TBC1D23: variants seen among roughly 807,000 people sequenced by gnomAD.
The protein encoded by TBC1D23 is HCV non-structural protein 4A-transactivated protein 1.
Under a neutral mutation model 91.4 loss-of-function variants are expected in TBC1D23, and 55 were observed. The ratio of observed to expected loss-of-function variants is 0.60; its 90% CI spans 0.48 to 0.75. TBC1D23 has a LOEUF of 0.75. Ranked by LOEUF, TBC1D23 falls within the 30% of genes least tolerant of loss-of-function variation. TBC1D23 has a pLI of 0.00. For missense variants in TBC1D23, 725 were observed against 836.1 expected (o/e 0.87, Z 1.64); for synonymous variants, 289 against 281.0 (o/e 1.03, Z -0.28).
At chr3:100,315,698 T>G (rs1303902517) in intron 15 of TBC1D23, among the ~76,000 whole-genome samples, 3 of 152,220 alleles carry the variant, frequency 2.0e-5, no homozygotes, top group Admixed American at 6.5e-5. Context: ...ACAATAAAAT[T>G]GACTGATTTA....
intron 18 of TBC1D23, among the ~76,000 whole-genome samples, chr3:100,322,945 T>TA (rs1478136940): frequency 2.6e-5 from 4 of 152,166 alleles, no homozygotes; most frequent in Admixed American, 2.6e-4. Context: ...GATGCTTTTT[T>TA]AAAAAAATAC....
chr3:100,302,931 T>G (rs1367864912), intron 11 of TBC1D23, among the ~76,000 whole-genome samples: 3 of 152,222 alleles, frequency 2.0e-5, no homozygotes, highest in African/African-American at 7.2e-5. Context: ...GTCCTAGTAC[T>G]TTTTACAGTA....
intron 5 of TBC1D23, among the ~76,000 whole-genome samples, chr3:100,292,828 T>C (rs1051700480): frequency 9.2e-5 from 14 of 152,322 alleles, no homozygotes; most frequent in Admixed American, 8.5e-4. Context: ...CTCAATCTCC[T>C]GGGCTCAAGC....
chr3:100,292,129 C>T (rs979485710), intron 5 of TBC1D23, among the ~76,000 whole-genome samples: 9 of 152,138 alleles, frequency 5.9e-5, no homozygotes, highest in Admixed American at 2.6e-4. Context: ...TGTTCATTTT[C>T]GAGGGAATAT....
intron 1 of TBC1D23, among the ~76,000 whole-genome samples, chr3:100,274,493 ATTG>A (rs1180186235): frequency 6.6e-6 from 1 of 152,046 alleles, no homozygotes; most frequent in Non-Finnish European, 1.5e-5. Context: ...GTACATTTAC[ATTG>A]TTGTGCATAT....
intron 2 of TBC1D23, 71 bp downstream of exon 2, chr3:100,279,831 A>G (rs931938401): frequency 2.0e-5 from 19 of 940,448 alleles, no homozygotes; most frequent in Middle Eastern, 2.3e-4. Context: ...GTTGCTTCAG[A>G]TGTCTTAGTT....
intron 9 of TBC1D23, 103 bp from the exon 10 acceptor site, chr3:100,299,136 T>C: frequency 1.5e-6 from 1 of 670,564 alleles, no homozygotes; most frequent in African/African-American, 1.8e-5. Flanking sequence ...AGATCCATTT[T>C]TTAATGAACT....
intron 1 of TBC1D23, among the ~76,000 whole-genome samples, chr3:100,265,226 A>G (rs1447996957): frequency 6.6e-6 from 1 of 152,226 alleles, no homozygotes; most frequent in Non-Finnish European, 1.5e-5. Flanking sequence ...CTTTCCTGTA[A>G]TTATGTGCAA....
intron 13 of TBC1D23, among the ~76,000 whole-genome samples, chr3:100,307,492 G>T (rs538283437): frequency 4.6e-5 from 7 of 152,324 alleles, no homozygotes; most frequent in Non-Finnish European, 8.8e-5. Flanking sequence ...AATTAACAGT[G>T]CAAGTAAATG....
At chr3:100,308,416 A>G (rs1705555297) in intron 13 of TBC1D23, among the ~76,000 whole-genome samples, 2 of 152,076 alleles carry the variant, frequency 1.3e-5, no homozygotes, top group African/African-American at 4.8e-5. Context: ...CGGAGCTTGC[A>G]GTGAGCCCAC....
chr3:100,312,855 T>C (rs1023737630), intron 15 of TBC1D23, among the ~76,000 whole-genome samples: 2 of 152,074 alleles, frequency 1.3e-5, no homozygotes, highest in African/African-American at 4.8e-5. Flanking sequence ...TACTTCACTC[T>C]CTAAGACTAT....
intron 1 of TBC1D23, 87 bp from the exon 2 acceptor site, chr3:100,279,562 C>T: frequency 1.1e-6 from 1 of 883,584 alleles, no homozygotes; most frequent in Non-Finnish European, 1.7e-6. Flanking sequence ...TTAGACAAGC[C>T]TTTAATAGGC....
At chr3:100,290,810 C>A in intron 5 of TBC1D23, 109 bp downstream of exon 5, 3 of 971,826 alleles carry the variant, frequency 3.1e-6, no homozygotes, top group Non-Finnish European at 4.4e-6. Context: ...AATTATAGAT[C>A]ATTACTGTTT....
At chr3:100,312,267 A>G (rs1286419071) in intron 15 of TBC1D23, among the ~76,000 whole-genome samples, 2 of 152,108 alleles carry the variant, frequency 1.3e-5, no homozygotes, top group African/African-American at 4.8e-5. Flanking sequence ...AAATTATAGC[A>G]CCTAAAAATA....
At chr3:100,315,454 G>A (rs1365666879) in intron 15 of TBC1D23, among the ~76,000 whole-genome samples, 1 of 152,026 alleles carries the variant, frequency 6.6e-6, no homozygotes, top group East Asian at 1.9e-4. Context: ...GAGCCACCGC[G>A]CCCGGCCGAG....
intron 15 of TBC1D23, among the ~76,000 whole-genome samples, chr3:100,313,220 G>A (rs1705661308): frequency 6.6e-6 from 1 of 151,826 alleles, no homozygotes; most frequent in African/African-American, 2.4e-5. Flanking sequence ...TCTGTTACAG[G>A]ACCATTGAAT....
intron 11 of TBC1D23, 51 bp from the exon 12 acceptor site, chr3:100,304,795 T>TTTAA (rs754427649): frequency 2.2e-6 from 2 of 909,658 alleles, no homozygotes; most frequent in East Asian, 4.8e-5. Context: ...TAGCTAAAGT[T>TTTAA]TTAATTAAGT....
chr3:100,283,073 G>A (rs770829277), intron 3 of TBC1D23, among the ~76,000 whole-genome samples: 34 of 152,128 alleles, frequency 2.2e-4, no homozygotes, highest in Admixed American at 7.9e-4. Flanking sequence ...CTGTCTTAAA[G>A]TTAAAAGACT....
chr3:100,285,836 A>G (rs1366637107), intron 4 of TBC1D23, among the ~76,000 whole-genome samples: 1 of 151,842 alleles, frequency 6.6e-6, no homozygotes, highest in Non-Finnish European at 1.5e-5. Context: ...GCATCTTTTT[A>G]TGTGTTTATT....
Sources: gnomAD v4.1 joint callset for allele counts (sites outside exome capture counted in the v4.1 genomes callset) on GRCh38, gnomAD v4.1.1 for gene constraint, MANE v1.5 for transcripts, NCBI Gene and HGNC (gene_info 2026-07-23, HGNC 2026-07-21) for gene names.